LRP8: variants seen among roughly 807,000 people sequenced by gnomAD.
LRP8 encodes the protein LDL receptor related protein 8, also known as low-density lipoprotein receptor-related protein 8.
Under a neutral mutation model 111.6 loss-of-function variants are expected in LRP8, and 46 were observed. That is an observed-to-expected ratio of 0.41 (90% confidence interval 0.33 to 0.53). The LOEUF is 0.53. Among genes scored for constraint, LRP8 ranks in the 20% least tolerant of loss-of-function variants. The pLI is 0.20. For synonymous variants in LRP8, 464 were observed against 511.2 expected (o/e 0.91, Z 1.24); for missense variants, 959 against 1,297.4 (o/e 0.74, Z 4.01).
At chr1:53,285,198 C>G (rs1647362008) in intron 3 of LRP8, among the ~76,000 whole-genome samples, 1 of 152,218 alleles carries the variant, frequency 6.6e-6, no homozygotes, top group African/African-American at 2.4e-5. Context: ...CAGATCTGGA[C>G]TTCCATCCCA....
rs1368129119 is a variant in LRP8 at position 53,327,809 on chromosome 1, T to A, written c.104A>T (p.Asp35Val). Residue 35 changes from aspartate (D) to valine (V), a missense_variant, in exon 1 of 19, where the codon GAT becomes GTT. Physicochemically the swap from Asp to Val is radical, Grantham distance 152. Around this residue, in one of 3 missense-constraint regions of LRP8, gnomAD observed 97 missense variants for 107.5 expected, o/e 0.90. Coordinates refer to ENST00000306052, the MANE Select transcript of LRP8 (RefSeq NM_004631.5). ...CGCACCTTGGCCGCCGAGCAGCGGA[T>A]CAGCCGCTGCCGCCGCAAGATGCTG... ...QLQHLAAAAA[D>V]PLLGGQGPAK... 6.2e-5 allele frequency: 93 copies of A among 1,511,590 alleles called. No individual in the cohort carries two copies. The highest frequency in any genetic ancestry group is 8.0e-5 in the Non-Finnish European group (91 of 1,136,080). 93.6% of individuals were successfully genotyped at this position (1,511,590 alleles called of 1,614,324 possible). A position where few individuals can be genotyped will look rare whatever the true frequency, so the allele number is the denominator to read the frequency against.
At chr1:53,269,137 C>G (rs1232236037) in intron 8 of LRP8, among the ~76,000 whole-genome samples, 3 of 152,204 alleles carry the variant, frequency 2.0e-5, no homozygotes, top group Non-Finnish European at 4.4e-5. Context: ...GGCTTCATCT[C>G]TTCCTAGTTT....
chr1:53,316,136 A>G (rs1202897278), intron 2 of LRP8, among the ~76,000 whole-genome samples: 1 of 152,182 alleles, frequency 6.6e-6, no homozygotes, highest in African/African-American at 2.4e-5. Flanking sequence ...GGAATTATTT[A>G]TTACCCATGT....
At chr1:53,291,717 C>T (rs1388827355) in intron 2 of LRP8, 2 of 152,176 alleles carry the variant, frequency 1.3e-5, no homozygotes, top group Non-Finnish European at 2.9e-5. Context: ...CAAATGGTCT[C>T]GGTCACACCA....
chr1:53,274,955 C>G, intron 6 of LRP8: 2 of 402,006 alleles, frequency 5.0e-6, no homozygotes, highest in South Asian at 3.6e-5. Context: ...CCAGGACAGA[C>G]AGGTAAATCC....
At chr1:53,276,566 C>T (rs1047688500) in intron 5 of LRP8, 126 bp downstream of exon 5, 2 of 733,654 alleles carry the variant, frequency 2.7e-6, no homozygotes. Flanking sequence ...CCTCGGTCTC[C>T]TCTGTAGTAA....
At chr1:53,291,444 T>C (rs963321559) in intron 2 of LRP8, among the ~76,000 whole-genome samples, 2 of 152,114 alleles carry the variant, frequency 1.3e-5, no homozygotes, top group Non-Finnish European at 2.9e-5. Context: ...CTTCCCAATC[T>C]AGCCCCACCT....
chr1:53,258,299 C>T lies in LRP8; in HGVS notation c.2209+20G>A, dbSNP rs1214224714. 1 of 1,611,448 alleles carries T rather than the reference C, an allele frequency of 6.2e-7. No individual in the cohort carries two copies. The highest frequency in any genetic ancestry group is 1.7e-5 in the Admixed American group (1 of 59,864). On this transcript the variant is annotated intron_variant, in intron 14 of 18. Coordinates refer to ENST00000306052, the MANE Select transcript of LRP8 (RefSeq NM_004631.5). Reference sequence around the variant, plus strand: ...GGTCTGACACTGCCAGGGGCCATCCCTCCTGGAAGGTCTGCTTACCTCGGT... The same window carrying T: ...GGTCTGACACTGCCAGGGGCCATCCTTCCTGGAAGGTCTGCTTACCTCGGT...
rs35927378 is a variant in LRP8, at chr1:53,266,073, TTG to T, written c.1427+398_1427+399del. ...ATCATCACAAATGGATGTCACTGTG[TTG>T]TGAGTGGGATCCTCTGGGCAGGGAC... is the stretch of plus-strand genomic sequence containing the variant. On this transcript the variant is annotated intron_variant, in intron 9 of 18. Coordinates refer to ENST00000306052, the MANE Select transcript of LRP8 (RefSeq NM_004631.5). This position sits in a 1 kb window ranked among gnomAD's most constrained non-coding sequence, Gnocchi z 5.0. Among the ~76,000 whole-genome samples the T allele has an allele frequency of 0.37, 56,064 of 151,844 alleles. 11,338 individuals are homozygous for T. Among genetic ancestry groups the T allele is most frequent in the East Asian group, 0.7 (3,625 of 5,152 alleles).
Position 53,276,852 on chromosome 1 carries a change from T to TC in LRP8, c.722_723insG (p.Ala242SerfsTer88). 1.5e-6 allele frequency: 2 copies of TC among 1,325,980 alleles called. No individual in the cohort carries two copies. The highest frequency in any genetic ancestry group is 3.2e-5 in the South Asian group (2 of 63,240). 82.1% of individuals were successfully genotyped at this position (1,325,980 alleles called of 1,614,324 possible). On this transcript the variant is annotated frameshift_variant, in exon 5 of 19. Transcript: ENST00000306052. LOFTEE classifies it high-confidence loss of function. Reference sequence around the variant, plus strand: ...GGCCCGGACGGCCGCAGAGCTCGGCTGCCTCGTCCGAGCGGTCCTCGCAGT... The same window carrying TC: ...GGCCCGGACGGCCGCAGAGCTCGGCTCGCCTCGTCCGAGCGGTCCTCGCAGT...
At chr1:53,321,961 G>A (rs1288520) in intron 2 of LRP8, among the ~76,000 whole-genome samples, 60,448 of 151,962 alleles carry the variant, frequency 0.4, 13,517 homozygotes, top group African/African-American at 0.61. Context: ...TCACCTCTAC[G>A]GTGGCTGGGC....
In LRP8 at chr1:53,279,597, T is replaced by C. The variant is rs1172014734; in HGVS notation, c.496+990A>G. ...ACATCAAATTCCAGACTTAGAATCT[T>C]AAAGTGTGACGACTCAGACACCTCT... On this transcript the variant is annotated intron_variant, in intron 4 of 18. Transcript: ENST00000306052. This position sits in a 1 kb window ranked among gnomAD's most constrained non-coding sequence, Gnocchi z 4.4. Among the ~76,000 whole-genome samples the C allele has an allele frequency of 1.3e-5, 2 of 152,152 alleles. No individual in the cohort carries two copies. Among genetic ancestry groups the C allele is most frequent in the African/African-American group, 4.8e-5 (2 of 41,418 alleles).
chr1:53,284,782 C>T (rs1246018724), intron 3 of LRP8, among the ~76,000 whole-genome samples: 2 of 152,152 alleles, frequency 1.3e-5, no homozygotes, highest in Non-Finnish European at 2.9e-5. Context: ...TGATAACAGC[C>T]CTCCACCCTC....
At chr1:53,320,648 T>A (rs1327252652) in intron 2 of LRP8, among the ~76,000 whole-genome samples, 1 of 152,154 alleles carries the variant, frequency 6.6e-6, no homozygotes, top group Non-Finnish European at 1.5e-5. Context: ...GAGAAGCCTA[T>A]GAAAACTGGA....
At chr1:53,306,618 C>T (rs1285229657) in intron 2 of LRP8, among the ~76,000 whole-genome samples, 1 of 152,188 alleles carries the variant, frequency 6.6e-6, no homozygotes, top group African/African-American at 2.4e-5. Flanking sequence ...TCCTGCTTTA[C>T]TTCACTGCCA....
chr1:53,246,895 ATC>A lies in LRP8; in HGVS notation c.*121_*122del. The A allele has an allele frequency of 1.2e-6, 1 of 811,556 alleles. No homozygotes were observed. The highest frequency in any genetic ancestry group is 1.9e-6 in the Non-Finnish European group (1 of 521,996). The allele number at this position is 811,556 out of a possible 1,614,324, so 50.3% of individuals were successfully genotyped here. ...TCCGCAACATAAATTTAAAAAAAAA[ATC>A]ACACACACACATACACTCACACAGA... On this transcript the variant is annotated 3_prime_UTR_variant, in exon 19 of 19. Transcript: ENST00000306052.
intron 2 of LRP8, among the ~76,000 whole-genome samples, chr1:53,308,115 C>A (rs935006881): frequency 4.6e-5 from 7 of 152,256 alleles, no homozygotes; most frequent in Admixed American, 1.3e-4. Flanking sequence ...TCCTATCAGA[C>A]TGCACTGCAG....
At chr1:53,300,816 A>G (rs1461668034) in intron 2 of LRP8, among the ~76,000 whole-genome samples, 1 of 152,146 alleles carries the variant, frequency 6.6e-6, no homozygotes, top group Non-Finnish European at 1.5e-5. Context: ...AGACCGTCTC[A>G]GTAGTTTGGG....
At chr1:53,297,410 A>C (rs911741550) in intron 2 of LRP8, among the ~76,000 whole-genome samples, 6 of 152,154 alleles carry the variant, frequency 3.9e-5, no homozygotes, top group African/African-American at 1.4e-4. Context: ...CGGTTCCCAC[A>C]GTGTCCTGAC....
Sources: gnomAD v4.1 joint callset for allele counts (sites outside exome capture counted in the v4.1 genomes callset) on GRCh38, gnomAD v4.1.1 for gene constraint, gnomAD v4.1.1 regional missense constraint, Gnocchi (gnomAD v3.1) non-coding constraint, MANE v1.5 for transcripts, NCBI Gene and HGNC (gene_info 2026-07-23, HGNC 2026-07-21) for gene names.